The following PLCB1 variants were observed in gnomAD, a reference collection of about 807,000 sequenced individuals.
PLCB1 encodes 1-phosphatidylinositol 4,5-bisphosphate phosphodiesterase beta-1.
PLCB1 carries 46 observed loss-of-function variants against 161.8 expected under a neutral mutation model. The ratio of observed to expected loss-of-function variants is 0.28; its 90% confidence interval spans 0.22 to 0.36. The LOEUF (loss-of-function observed/expected upper bound fraction) is 0.36. Among genes scored for constraint, PLCB1 ranks in the 10% least tolerant of loss-of-function variants. The pLI, the probability that PLCB1 is intolerant of heterozygous loss-of-function variation, is 1.00. For missense variants in PLCB1, 1,016 were observed against 1,472.5 expected, an observed-to-expected ratio of 0.69 and a Z score of 5.07; for synonymous variants, 517 against 503.7, an observed-to-expected ratio of 1.03 and a Z score of -0.35.
At chr20:8,426,041 C>T (rs1481869590) in intron 3 of PLCB1, among the ~76,000 whole-genome samples, 1 of 152,196 alleles carries the variant, frequency 6.6e-6, no homozygotes, top group Non-Finnish European at 1.5e-5. Flanking sequence ...GCACATATGT[C>T]AGCAGAGCCC....
intron 26 of PLCB1, among the ~76,000 whole-genome samples, chr20:8,769,085 G>A (rs932273549): frequency 6.6e-6 from 1 of 152,132 alleles, no homozygotes; most frequent in Non-Finnish European, 1.5e-5. Flanking sequence ...GGAAATAAAT[G>A]CAGTGGATTT....
intron 4 of PLCB1, among the ~76,000 whole-genome samples, chr20:8,639,044 A>G (rs1028086458): frequency 2.6e-5 from 4 of 152,130 alleles, no homozygotes; most frequent in Admixed American, 2.6e-4. Context: ...TGGGGTGGGC[A>G]TTGTGGGTGG....
chr20:8,414,360 A>T (rs1255026726), intron 3 of PLCB1, among the ~76,000 whole-genome samples: 1 of 152,058 alleles, frequency 6.6e-6, no homozygotes. Flanking sequence ...AACAAAAAAC[A>T]AACAAACAAA....
At chr20:8,400,477 T>C (rs1483553222) in intron 3 of PLCB1, among the ~76,000 whole-genome samples, 2 of 152,200 alleles carry the variant, frequency 1.3e-5, no homozygotes, top group African/African-American at 4.8e-5. Context: ...AATAAATGAT[T>C]TTTACATCTA....
intron 2 of PLCB1, among the ~76,000 whole-genome samples, chr20:8,317,539 ACAC>A (rs1259131952): frequency 6.6e-6 from 1 of 150,782 alleles, no homozygotes; most frequent in African/African-American, 2.4e-5. Context: ...CGACACACAC[ACAC>A]AACACCATGC....
intron 4 of PLCB1, among the ~76,000 whole-genome samples, chr20:8,636,750 A>C (rs1268300112): frequency 6.6e-6 from 1 of 152,200 alleles, no homozygotes; most frequent in Non-Finnish European, 1.5e-5. Flanking sequence ...CATAAAAACA[A>C]TTAATGTCAA....
intron 31 of PLCB1, among the ~76,000 whole-genome samples, chr20:8,819,017 A>T (rs936283494): frequency 6.6e-6 from 1 of 152,190 alleles, no homozygotes; most frequent in African/African-American, 2.4e-5. Context: ...CAACATTTGT[A>T]GAATTTGACA....
intron 31 of PLCB1, among the ~76,000 whole-genome samples, chr20:8,847,523 T>C (rs1986730890): frequency 6.6e-6 from 1 of 152,190 alleles, no homozygotes; most frequent in South Asian, 2.1e-4. Flanking sequence ...TTGAAGTGTT[T>C]TCTGACACCA....
chr20:8,249,443 T>G (rs1198648269), intron 2 of PLCB1: 1 of 151,940 alleles, frequency 6.6e-6, no homozygotes, highest in African/African-American at 2.4e-5. Context: ...CACATTATCC[T>G]TGTGTGGGTA....
intron 3 of PLCB1, among the ~76,000 whole-genome samples, chr20:8,581,751 C>T (rs1020634431): frequency 3.3e-5 from 5 of 152,112 alleles, no homozygotes; most frequent in African/African-American, 1.2e-4. Flanking sequence ...CCTGCTATAC[C>T]TTACCACCTG....
intron 4 of PLCB1, among the ~76,000 whole-genome samples, chr20:8,639,895 A>G (rs75482979): frequency 3.4e-5 from 2 of 59,218 alleles, no homozygotes; most frequent in East Asian, 5.7e-4. Flanking sequence ...GAAGACAAGA[A>G]AAAAAAAAAA....
chr20:8,354,231 G>T (rs552163353), intron 2 of PLCB1, among the ~76,000 whole-genome samples: 1 of 152,092 alleles, frequency 6.6e-6, no homozygotes, highest in Non-Finnish European at 1.5e-5. Context: ...GATTAAAATT[G>T]TAATTTGTAT....
In PLCB1 at chr20:8,634,987, C is replaced by T. The variant is rs541678413; in HGVS notation, c.384+6556C>T. The stretch of plus-strand genomic sequence containing the variant: ...GTCCACCAAGAAAAGTCCTAGGCCT[C>T]CCGAGGGACTCAGCATCAACTCAGT... On this transcript the variant is annotated intron_variant, in intron 4 of 31. Coordinates refer to ENST00000338037, the MANE Select transcript of PLCB1 (RefSeq NM_015192.4). Among the ~76,000 whole-genome samples, 13 of 152,232 alleles carry T rather than the reference C, an allele frequency of 8.5e-5. No individual in the cohort carries two copies. The East Asian group carries it at 2.5e-3, about 29-fold the overall frequency.
rs1247412520 is a variant in PLCB1 at position 8,514,865 on chromosome 20, T to C, written c.247-113429T>C. Among the ~76,000 whole-genome samples, 3 of 152,226 alleles carry C rather than the reference T, an allele frequency of 2.0e-5. No homozygotes were observed. The East Asian group carries it at 5.8e-4, about 29-fold the overall frequency. ...AATGCTTCTGAAACTTTAATAGTCA[T>C]ACAAATCACCTGAGGATTTTGTTAA... On this transcript the variant is annotated intron_variant, in intron 3 of 31. Transcript: ENST00000338037.
chr20:8,630,207 C>T (rs909232683), intron 4 of PLCB1, among the ~76,000 whole-genome samples: 3 of 151,600 alleles, frequency 2.0e-5, no homozygotes, highest in African/African-American at 7.3e-5. Context: ...CTGCCTCAGC[C>T]TGCCGAATAG....
chr20:8,836,558 C>G (rs1394686347), intron 31 of PLCB1, among the ~76,000 whole-genome samples: 1 of 152,126 alleles, frequency 6.6e-6, no homozygotes, highest in Non-Finnish European at 1.5e-5. Context: ...CATTGGTTCT[C>G]TCATCTGATT....
At chr20:8,759,896 A>ATTTTTTTTTTTTT (rs3033840) in intron 24 of PLCB1, among the ~76,000 whole-genome samples, 1 of 78,260 alleles carries the variant, frequency 1.3e-5, no homozygotes, top group African/African-American at 5.1e-5. Flanking sequence ...ATAATATCAC[A>ATTTTTTTTTTTTT]TTTTTTTTTT....
At position 8,657,431 on chromosome 20, in the gene PLCB1, A is replaced by T. The variant is rs528746626; in HGVS notation, c.695+147A>T. 9.3e-6 allele frequency: 6 copies of T among 642,564 alleles called. No individual in the cohort carries two copies. The East Asian group carries it at 1.6e-4, about 18-fold the overall frequency. 39.8% of individuals were successfully genotyped at this position (642,564 alleles called of 1,614,324 possible). On this transcript the variant is annotated intron_variant, in intron 8 of 31. Transcript: ENST00000338037. ...ATTCCTGTGTGATGTTTTGGATAGG[A>T]TCACACAATCTTGCCCCTGAGGTGC... is the stretch of plus-strand genomic sequence containing the variant.
At chr20:8,547,957 C>T (rs912372033) in intron 3 of PLCB1, among the ~76,000 whole-genome samples, 1 of 152,098 alleles carries the variant, frequency 6.6e-6, no homozygotes, top group African/African-American at 2.4e-5. Flanking sequence ...TCTCTTCTCC[C>T]ATCTCTTCCC....
Sources: allele counts gnomAD v4.1 joint callset (sites outside exome capture counted in the v4.1 genomes callset), GRCh38; gene constraint gnomAD v4.1.1; transcripts MANE v1.5; gene names NCBI Gene and HGNC (gene_info 2026-07-23, HGNC 2026-07-21).